The following LRRC9 variants were observed in gnomAD, a reference collection of about 807,000 sequenced individuals.
LRRC9 encodes leucine rich repeat containing 9, also known as leucine-rich repeat-containing protein 9.
Under a neutral mutation model 63.2 loss-of-function variants are expected in LRRC9, and 122 were observed. The observed-to-expected ratio is 1.93, with a 90% CI of 1.67 to 2.24. The LOEUF is 2.24. Ranked by LOEUF, LRRC9 falls within the 30% of genes most tolerant of loss-of-function variation. LRRC9 has a pLI of 0.00. For missense variants in LRRC9, 1,071 were observed against 627.7 expected (o/e 1.71, Z -7.55); for synonymous variants, 366 against 213.1 (o/e 1.72, Z -6.25).
intron 15 of LRRC9, among the ~76,000 whole-genome samples, chr14:59,981,251 G>A (rs1401483472): frequency 6.6e-6 from 1 of 152,032 alleles, no homozygotes; most frequent in African/African-American, 2.4e-5. Flanking sequence ...GCTTTGAAGT[G>A]TGTGTCCTTT....
intron 29 of LRRC9, among the ~76,000 whole-genome samples, chr14:60,047,812 G>C (rs1893561890): frequency 6.6e-6 from 1 of 152,190 alleles, no homozygotes; most frequent in African/African-American, 2.4e-5. Context: ...GATATCTACA[G>C]AACTCTCTAC....
At position 60,031,554 on chromosome 14, in the gene LRRC9, C is replaced by T. The variant is rs1891992736; in HGVS notation, c.3922-441C>T. Among the ~76,000 whole-genome samples the T allele has an allele frequency of 6.6e-6, 1 of 152,032 alleles. No individual in the cohort carries two copies. The highest frequency in any genetic ancestry group is 1.9e-4 in the East Asian group (1 of 5,196). ...CAGCTATATATATTCCCAGCAAGTACATCAAGACGCAATCCACTCAATATT... is the reference window on the plus strand; with the variant it reads ...CAGCTATATATATTCCCAGCAAGTATATCAAGACGCAATCCACTCAATATT... On this transcript the variant is annotated intron_variant, in intron 28 of 31. Transcript: ENST00000445360. The surrounding 1 kb of genome is among the most constrained non-coding windows in gnomAD (Gnocchi z 4.6).
intron 29 of LRRC9, among the ~76,000 whole-genome samples, chr14:60,033,442 T>A (rs1892157077): frequency 2.0e-5 from 3 of 152,286 alleles, no homozygotes; most frequent in Admixed American, 2.0e-4. Flanking sequence ...TATGGGAAGA[T>A]AACCTATAAA....
Position 59,958,088 on chromosome 14 carries a change from G to A in LRRC9, c.883-1730G>A, listed in dbSNP as rs1190506576. On this transcript the variant is annotated intron_variant, in intron 8 of 31. Transcript: ENST00000445360. The surrounding 1 kb of genome is among the most constrained non-coding windows in gnomAD (Gnocchi z 4.0). ...GACCCCTGTTGGGGTATGTCTCCCA[G>A]TCAGGAGGCACGGGGGTCAGGAACC... Among the ~76,000 whole-genome samples, 1 of 152,236 alleles carries A rather than the reference G, an allele frequency of 6.6e-6. No homozygotes were observed. The highest frequency in any genetic ancestry group is 1.5e-5 in the Non-Finnish European group (1 of 68,040).
chr14:59,981,077 C>A (rs987044363), intron 15 of LRRC9, among the ~76,000 whole-genome samples: 2 of 151,898 alleles, frequency 1.3e-5, no homozygotes, highest in African/African-American at 4.8e-5. Context: ...ATCCTTCATG[C>A]CTTTTAATTT....
At chr14:60,000,334 G>C (rs1186560280) in intron 19 of LRRC9, among the ~76,000 whole-genome samples, 1 of 151,952 alleles carries the variant, frequency 6.6e-6, no homozygotes, top group African/African-American at 2.4e-5. Context: ...TTACCTATTA[G>C]GTACTATGCC....
Position 60,019,111 on chromosome 14 carries a change from C to A in LRRC9, c.3427-10C>A. 1 of 654,548 alleles carries A rather than the reference C, an allele frequency of 1.5e-6. No individual in the cohort carries two copies. Among genetic ancestry groups the A allele is most frequent in the Middle Eastern group, 2.4e-4 (1 of 4,134 alleles). 40.5% of individuals were successfully genotyped at this position (654,548 alleles called of 1,614,324 possible). A position where few individuals can be genotyped will look rare whatever the true frequency, so the allele number is the denominator to read the frequency against. ...TAGGATTTCTGATTAATAAGATATT[C>A]TTTCTGTAGGTCTTATGCCTTAACT... On this transcript the variant is annotated splice_polypyrimidine_tract_variant and intron_variant, in intron 25 of 31. Transcript: ENST00000445360.
At chr14:59,977,951 G>A (rs1046602767) in intron 14 of LRRC9, 66 bp from the exon 15 acceptor site, 1 of 654,500 alleles carries the variant, frequency 1.5e-6, no homozygotes, top group African/African-American at 1.8e-5. Flanking sequence ...AACTATGTAA[G>A]AATGAAAAAG....
chr14:59,996,029 C>T lies in LRRC9; in HGVS notation c.2212-1627C>T, dbSNP rs1025013309. Among the ~76,000 whole-genome samples, 6 of 152,216 alleles carry T rather than the reference C, an allele frequency of 3.9e-5. No individual in the cohort carries two copies. The East Asian group carries it at 9.7e-4, about 25-fold the overall frequency. Reference sequence around the variant, plus strand: ...TGCTGGGATTACAGGCGTGAGCCACCGGGCCCGGGCAGAAGACAGTTATAT... The same window carrying T: ...TGCTGGGATTACAGGCGTGAGCCACTGGGCCCGGGCAGAAGACAGTTATAT... On this transcript the variant is annotated intron_variant, in intron 17 of 31. Transcript: ENST00000445360.
intron 18 of LRRC9, among the ~76,000 whole-genome samples, chr14:59,998,175 A>C (rs1170327189): frequency 6.6e-6 from 1 of 152,050 alleles, no homozygotes; most frequent in Non-Finnish European, 1.5e-5. Flanking sequence ...TATTTTAATG[A>C]GTCATAGGAA....
intron 29 of LRRC9, among the ~76,000 whole-genome samples, chr14:60,036,304 A>G (rs1350599833): frequency 6.6e-6 from 1 of 152,178 alleles, no homozygotes; most frequent in Admixed American, 6.5e-5. Flanking sequence ...GCCTCAACTC[A>G]GGGTTCACCT....
intron 7 of LRRC9, among the ~76,000 whole-genome samples, chr14:59,939,165 C>T (rs904055790): frequency 3.3e-5 from 5 of 150,722 alleles, no homozygotes; most frequent in Non-Finnish European, 5.9e-5. Flanking sequence ...AACCACTTCT[C>T]CTTTGGAATA....
intron 13 of LRRC9, among the ~76,000 whole-genome samples, chr14:59,975,051 ATGCTGAACTAAAC>A (rs1566833056): frequency 2.6e-4 from 12 of 45,400 alleles, no homozygotes; most frequent in Non-Finnish European, 5.4e-4. Flanking sequence ...ATATATATAT[ATGCTGAACTAAAC>A]TATGTGTGTG....
intron 29 of LRRC9, among the ~76,000 whole-genome samples, chr14:60,038,274 TTAAAG>T (rs1158076531): frequency 2.0e-5 from 3 of 152,200 alleles, no homozygotes; most frequent in African/African-American, 4.8e-5. Context: ...CATATGAACT[TTAAAG>T]TAGTTTTTTC....
Position 59,930,956 on chromosome 14 carries a change from A to C in LRRC9, c.306A>C (p.Lys102Asn), listed in dbSNP as rs1889651871. The C allele has an allele frequency of 2.2e-6, 1 of 451,636 alleles. No homozygotes were observed. Among genetic ancestry groups the C allele is most frequent in the Admixed American group, 3.8e-5 (1 of 26,532 alleles). 28.0% of individuals were successfully genotyped at this position (451,636 alleles called of 1,614,324 possible). ...TTCAAGAATGTAGAAATTTGGAAAA[A>C]CTATATTTATATTTTAATAAAATTT... is the stretch of plus-strand genomic sequence containing the variant. The change falls in exon 4 of 32, where the codon AAA becomes AAC. Residue 102 changes from lysine to asparagine, a missense_variant. Coordinates refer to ENST00000445360, the Ensembl canonical transcript of LRRC9. The surrounding 1 kb of genome is among the most constrained non-coding windows in gnomAD (Gnocchi z 4.9).
intron 3 of LRRC9, among the ~76,000 whole-genome samples, chr14:59,929,433 G>T (rs913774373): frequency 6.6e-6 from 1 of 151,738 alleles, no homozygotes; most frequent in African/African-American, 2.4e-5. Flanking sequence ...AATAACAGAT[G>T]CTGGCAAAGT....
chr14:60,028,003 T>C (rs1472128094), exon 28 of LRRC9: 3 of 701,912 alleles, frequency 4.3e-6, no homozygotes, highest in South Asian at 1.5e-5. Context: ...AAGTTCTTTA[T>C]TGGCACTTCA....
intron 16 of LRRC9, 145 bp from the exon 17 acceptor site, chr14:59,984,960 C>G (rs1456708699): frequency 2.4e-6 from 1 of 417,442 alleles, no homozygotes; most frequent in East Asian, 3.4e-5. Context: ...TTGACTGTTT[C>G]TTAATGCTAT....
chr14:60,025,061 T>G (rs59458649), intron 27 of LRRC9, among the ~76,000 whole-genome samples: 1 of 151,542 alleles, frequency 6.6e-6, no homozygotes, highest in African/African-American at 2.4e-5. Flanking sequence ...GTTGGTTTTT[T>G]GTTTTTGGTT....
Sources: gnomAD v4.1 joint callset for allele counts (sites outside exome capture counted in the v4.1 genomes callset) on GRCh38, gnomAD v4.1.1 for gene constraint, Gnocchi (gnomAD v3.1) non-coding constraint, MANE v1.5 for transcripts, NCBI Gene and HGNC (gene_info 2026-07-23, HGNC 2026-07-21) for gene names.